The following INPP5B variants were observed in gnomAD, a reference collection of about 807,000 sequenced individuals.
INPP5B encodes the protein inositol polyphosphate-5-phosphatase B, also known as type II inositol 1,4,5-trisphosphate 5-phosphatase.
Under a neutral mutation model 118.5 loss-of-function variants are expected in INPP5B, and 90 were observed. That is an observed-to-expected ratio of 0.76 (90% confidence interval 0.64 to 0.90). The LOEUF is 0.90. INPP5B is among the 40% of genes least tolerant of loss of function. The pLI, the probability that INPP5B is intolerant of heterozygous loss-of-function variation, is 0.00. For synonymous variants in INPP5B, 385 were observed against 418.9 expected (o/e 0.92, Z 0.99); for missense variants, 984 against 1,125.6 (o/e 0.87, Z 1.80).
At chr1:37,897,380 T>C (rs1263628825) in intron 7 of INPP5B, among the ~76,000 whole-genome samples, 3 of 151,198 alleles carry the variant, frequency 2.0e-5, no homozygotes, top group African/African-American at 4.9e-5. Flanking sequence ...TTCATTTTGT[T>C]CTGTACTAAG....
rs1293422826 is a variant in INPP5B, at chr1:37,868,554, G to T, written c.2248C>A (p.Pro750Thr). Residue 750 changes from proline to threonine, a missense_variant, in exon 20 of 24, where the codon CCC (proline) becomes ACC (threonine). Coordinates refer to ENST00000373024, the MANE Select transcript of INPP5B (RefSeq NM_005540.3). ...TCAACCATCATCCAGAGCTCTTTGG[G>T]GATTTCCATGGGGCTATCCAACTGG... ...GSQLDSPMEI[P>T]KELWMMVDYL... The T allele has an allele frequency of 1.2e-6, 2 of 1,614,014 alleles. No homozygotes were observed. The highest frequency in any genetic ancestry group is 1.7e-6 in the Non-Finnish European group (2 of 1,179,954).
At chr1:37,924,202 G>A (rs1235295510) in intron 7 of INPP5B, among the ~76,000 whole-genome samples, 2 of 143,764 alleles carry the variant, frequency 1.4e-5, no homozygotes, top group African/African-American at 2.6e-5. Flanking sequence ...ACAGAGTCTC[G>A]CTCTTGCCCA....
At chr1:37,870,051 TATC>T (rs1422656094) in intron 19 of INPP5B, 1 of 151,888 alleles carries the variant, frequency 6.6e-6, no homozygotes, top group African/African-American at 2.4e-5. Context: ...AAAAGAATAA[TATC>T]ATTGACCTAC....
At chr1:37,942,906 CAAGAAAGA>C (rs1296691489) in intron 5 of INPP5B, among the ~76,000 whole-genome samples, 1 of 112,374 alleles carries the variant, frequency 8.9e-6, no homozygotes, top group Non-Finnish European at 1.8e-5. Flanking sequence ...GAGATTCTGT[CAAGAAAGA>C]GAGAGAGAGA....
chr1:37,880,869 C>A (rs1643158565), intron 14 of INPP5B, among the ~76,000 whole-genome samples: 1 of 152,180 alleles, frequency 6.6e-6, no homozygotes, highest in Non-Finnish European at 1.5e-5. Context: ...GGGACTGCAG[C>A]TGTGCAACAC....
chr1:37,868,620 A>G lies in INPP5B; in HGVS notation c.2188-6T>C. 2 of 1,580,360 alleles carry G rather than the reference A, an allele frequency of 1.3e-6. No homozygotes were observed. The highest frequency in any genetic ancestry group is 1.7e-6 in the Non-Finnish European group (2 of 1,149,236). On this transcript the variant is annotated splice_region_variant and splice_polypyrimidine_tract_variant and intron_variant, in intron 19 of 23. Coordinates refer to ENST00000373024, the MANE Select transcript of INPP5B (RefSeq NM_005540.3). Reference sequence around the variant, plus strand: ...GTCCATACTGGCATCAGAGTCTGGAAAGCAATCAAGATCATGACAGAACTT... The same window carrying G: ...GTCCATACTGGCATCAGAGTCTGGAGAGCAATCAAGATCATGACAGAACTT...
intron 8 of INPP5B, 51 bp downstream of exon 8, chr1:37,891,307 T>C: frequency 7.4e-7 from 1 of 1,345,760 alleles, no homozygotes; most frequent in South Asian, 1.2e-5. Flanking sequence ...CTCAGTACTG[T>C]GAGGAGAACC....
At chr1:37,910,080 C>G (rs1397658043) in intron 7 of INPP5B, among the ~76,000 whole-genome samples, 1 of 152,230 alleles carries the variant, frequency 6.6e-6, no homozygotes, top group Non-Finnish European at 1.5e-5. Flanking sequence ...GCCCAAGGCT[C>G]TCTGACTGAC....
intron 7 of INPP5B, among the ~76,000 whole-genome samples, chr1:37,923,771 A>C (rs189722462): frequency 8.6e-4 from 107 of 123,944 alleles, no homozygotes; most frequent in Non-Finnish European, 1.6e-3. Flanking sequence ...GGAAAGGAGT[A>C]AGTGCAGTTC....
At chr1:37,897,808 T>C (rs1370426400) in intron 7 of INPP5B, among the ~76,000 whole-genome samples, 1 of 152,024 alleles carries the variant, frequency 6.6e-6, no homozygotes, top group Non-Finnish European at 1.5e-5. Flanking sequence ...TAGTGGCACA[T>C]GCCCATAGTC....
Position 37,946,237 on chromosome 1 carries a change from G to A in INPP5B, c.57+15C>T. The A allele has an allele frequency of 1.9e-6, 3 of 1,607,082 alleles. No homozygotes were observed. The highest frequency in any genetic ancestry group is 1.7e-6 in the Non-Finnish European group (2 of 1,176,462). Reference sequence around the variant, plus strand: ...CAGGGCAGGCTCAGGGCCGCAGTTAGCACAGGAAGGATATGATGACGCAGT... The same window carrying A: ...CAGGGCAGGCTCAGGGCCGCAGTTAACACAGGAAGGATATGATGACGCAGT... On this transcript the variant is annotated intron_variant, in intron 2 of 23. Coordinates refer to ENST00000373024, the MANE Select transcript of INPP5B (RefSeq NM_005540.3).
intron 3 of INPP5B, among the ~76,000 whole-genome samples, chr1:37,944,597 TG>T (rs1646050374): frequency 6.8e-6 from 1 of 147,716 alleles, no homozygotes; most frequent in Non-Finnish European, 1.5e-5. Flanking sequence ...TTTTTTTTCT[TG>T]TTTTTTTTTT....
In INPP5B at chr1:37,899,135, C is replaced by T. The variant is rs1176405069; in HGVS notation, c.533-7681G>A. ...GGCGGAGGTTGCAGTGAGCCGAGATCGCGCCATTGCACTCCAGCCTGGGCA... is the reference window on the plus strand; with the variant it reads ...GGCGGAGGTTGCAGTGAGCCGAGATTGCGCCATTGCACTCCAGCCTGGGCA... On this transcript the variant is annotated intron_variant, in intron 7 of 23. Coordinates refer to ENST00000373024, the MANE Select transcript of INPP5B (RefSeq NM_005540.3). Among the ~76,000 whole-genome samples, 7 of 146,548 alleles carry T rather than the reference C, an allele frequency of 4.8e-5. No individual in the cohort carries two copies. The South Asian group carries it at 8.7e-4, about 18-fold the overall frequency.
At chr1:37,929,957 C>A (rs984667681) in intron 7 of INPP5B, 6 of 152,294 alleles carry the variant, frequency 3.9e-5, no homozygotes, top group Non-Finnish European at 8.8e-5. Context: ...TGGTCTCGAA[C>A]TCCTGACCTC....
intron 15 of INPP5B, 48 bp from the exon 16 acceptor site, chr1:37,878,371 C>T: frequency 1.1e-5 from 18 of 1,606,342 alleles, no homozygotes; most frequent in Non-Finnish European, 1.5e-5. Flanking sequence ...ACAGCAGTGC[C>T]CGCTGCCTGG....
At chr1:37,898,468 G>A (rs557749243) in intron 7 of INPP5B, among the ~76,000 whole-genome samples, 1 of 152,052 alleles carries the variant, frequency 6.6e-6, no homozygotes, top group East Asian at 1.9e-4. Flanking sequence ...GGCCGAGGCG[G>A]GTGGATCACG....
chr1:37,911,639 G>T (rs1380484051), intron 7 of INPP5B, among the ~76,000 whole-genome samples: 1 of 152,078 alleles, frequency 6.6e-6, no homozygotes, highest in Non-Finnish European at 1.5e-5. Context: ...CTTGCAAAAG[G>T]ACTACGAGTC....
chr1:37,914,086 C>A (rs1208852732), intron 7 of INPP5B, among the ~76,000 whole-genome samples: 1 of 152,146 alleles, frequency 6.6e-6, no homozygotes, highest in Admixed American at 6.5e-5. Flanking sequence ...CTTTTTCAGA[C>A]TCAGCCCACC....
chr1:37,876,190 G>A (rs577623428), intron 16 of INPP5B, among the ~76,000 whole-genome samples: 185 of 148,918 alleles, frequency 1.2e-3, no homozygotes, highest in Non-Finnish European at 1.9e-3. Flanking sequence ...TGCAACCTCC[G>A]CCTTCTGGGT....
Sources: allele counts gnomAD v4.1 joint callset (sites outside exome capture counted in the v4.1 genomes callset), GRCh38; gene constraint gnomAD v4.1.1; transcripts MANE v1.5; gene names NCBI Gene and HGNC (gene_info 2026-07-23, HGNC 2026-07-21).